JMJD8: variants seen among roughly 807,000 people sequenced by gnomAD.
JMJD8 encodes jumonji domain containing 8, also known as jmjC domain-containing protein 8.
In JMJD8, 56 loss-of-function variants were observed where a neutral mutation model predicts 37.6. That is an observed-to-expected ratio of 1.49 (90% CI 1.20 to 1.86). The LOEUF is 1.86. JMJD8 is among the 40% of genes most tolerant of loss of function. JMJD8 has a pLI of 0.00. For synonymous variants in JMJD8, 261 were observed against 163.7 expected, an observed-to-expected ratio of 1.59 and a Z score of -4.54; for missense variants, 542 against 362.7, an observed-to-expected ratio of 1.49 and a Z score of -4.01.
In JMJD8 at chr16:683,548, G is replaced by C. The variant is rs748754064; in HGVS notation, c.373C>G (p.Pro125Ala). 1.3e-6 allele frequency: 2 copies of C among 1,565,906 alleles called. No homozygotes were observed. The highest frequency in any genetic ancestry group is 1.7e-6 in the Non-Finnish European group (2 of 1,155,236). ...GCCTCACCATTGCCCAGGGAGGTGG[G>C]GTCCTGGGGGTGCAGCAGCTGCTCC... ...YVEQLLHPQD[P>A]TSLGNDTLYF... The change falls in exon 5 of 9, where the codon CCC becomes GCC. Residue 125 changes from proline (P) to alanine (A), a missense_variant. Coordinates refer to ENST00000609261, the MANE Select transcript of JMJD8 (RefSeq NM_001005920.4).
rs751141162 is a variant in JMJD8, at chr16:682,351, C to T, written c.*443G>A. On this transcript the variant is annotated 3_prime_UTR_variant, in exon 9 of 9. Coordinates refer to ENST00000609261, the MANE Select transcript of JMJD8 (RefSeq NM_001005920.4). ...GGCCCCATGACTGCCCTCTGCCCTT[C>T]TTGTCACTGCAGCGTGTGGGTCATT... is the stretch of plus-strand genomic sequence containing the variant. 2.5e-6 allele frequency: 4 copies of T among 1,613,006 alleles called. No homozygotes were observed. Among genetic ancestry groups the T allele is most frequent in the African/African-American group, 1.3e-5 (1 of 74,936 alleles).
In JMJD8 at chr16:683,727, CTCTGTCCCCA is replaced by C. The variant is rs2039799625; in HGVS notation, c.270_279del (p.Phe90LeufsTer5). 6 of 1,609,432 alleles carry C rather than the reference CTCTGTCCCCA, an allele frequency of 3.7e-6. No individual in the cohort carries two copies. Among genetic ancestry groups the C allele is most frequent in the Non-Finnish European group, 5.1e-6 (6 of 1,178,562 alleles). On this transcript the variant is annotated frameshift_variant, in exon 4 of 9. Coordinates refer to ENST00000609261, the MANE Select transcript of JMJD8 (RefSeq NM_001005920.4). LOFTEE classifies it high-confidence loss of function. ...GTGTTGGCGGTGCTCAGCCGGACCA[CTCTGTCCCCA>C]AACGAAGCCAGCAACCTGTCGCGGG...
rs540869195 is a variant in JMJD8, at chr16:681,677, G to A, written c.*1117C>T. On this transcript the variant is annotated 3_prime_UTR_variant, in exon 9 of 9. Coordinates refer to ENST00000609261, the MANE Select transcript of JMJD8 (RefSeq NM_001005920.4). ...CCGACTCCCGACACAAGCGTTTATCGAAGGCTTTACTGGCAAGCAGGAAAT... is the reference window on the plus strand; with the variant it reads ...CCGACTCCCGACACAAGCGTTTATCAAAGGCTTTACTGGCAAGCAGGAAAT... The A allele has an allele frequency of 1.2e-5, 19 of 1,562,080 alleles. 1 individual carries two copies. The highest frequency in any genetic ancestry group is 5.4e-5 in the African/African-American group (4 of 73,742).
chr16:682,118 G>C lies in JMJD8; in HGVS notation c.*676C>G. ...TGCTGCCGATGGCTGGCAGGTGCTC[G>C]TGCAGTGCCCCTTTTCAGCCTCTGA... On this transcript the variant is annotated 3_prime_UTR_variant, in exon 9 of 9. Transcript: ENST00000609261. 6.3e-6 allele frequency: 10 copies of C among 1,586,996 alleles called. No individual in the cohort carries two copies. Among genetic ancestry groups the C allele is most frequent in the South Asian group, 1.1e-5 (1 of 88,922 alleles).
chr16:684,133 C>G lies in JMJD8; in HGVS notation c.109G>C (p.Val37Leu). The G allele has an allele frequency of 6.7e-7, 1 of 1,501,792 alleles. No homozygotes were observed. Among genetic ancestry groups the G allele is most frequent in the Non-Finnish European group, 8.8e-7 (1 of 1,134,674 alleles). 93.0% of individuals were successfully genotyped at this position (1,501,792 alleles called of 1,614,324 possible). A position where few individuals can be genotyped will look rare whatever the true frequency, so the allele number is the denominator to read the frequency against. ...GGWRPGGPGA[V>L]AEEERCTVER... ...ACCGTGCAGCGCTCCTCCTCCGCCA[C>G]GGCCCCCGGCCCGCCCGGGCGCCTG... The change falls in exon 2 of 9, where the codon GTG becomes CTG. Residue 37 changes from valine (V) to leucine (L), a missense_variant. Transcript: ENST00000609261.
rs751845424 is a variant in JMJD8, at chr16:683,921, G to A, written c.177-12C>T. 6 of 1,572,884 alleles carry A rather than the reference G, an allele frequency of 3.8e-6. No individual in the cohort carries two copies. The highest frequency in any genetic ancestry group is 1.7e-4 in the Middle Eastern group (1 of 5,998). ...TGACGAAGGCGTACCTGGAAAGAAG[G>A]GCAGAGTCGCGGCCAGGCCGGACCG... On this transcript the variant is annotated splice_polypyrimidine_tract_variant and intron_variant, in intron 2 of 8. Transcript: ENST00000609261.
rs762305489 is a variant in JMJD8, at chr16:681,887, G to A, written c.*907C>T. ...CTGCATTGAGGCCAAGCACGTGAGG[G>A]TGCCCCCCACCCACATGTGGGTCTG... is the stretch of plus-strand genomic sequence containing the variant. On this transcript the variant is annotated 3_prime_UTR_variant, in exon 9 of 9. Transcript: ENST00000609261. 6.2e-7 allele frequency: 1 copy of A among 1,613,020 alleles called. No individual in the cohort carries two copies. The highest frequency in any genetic ancestry group is 8.5e-7 in the Non-Finnish European group (1 of 1,179,962).
chr16:684,046 G>A lies in JMJD8; in HGVS notation c.176+20C>T, dbSNP rs779274777. 6.3e-7 allele frequency: 1 copy of A among 1,577,554 alleles called. No individual in the cohort carries two copies. On this transcript the variant is annotated intron_variant, in intron 2 of 8. Coordinates refer to ENST00000609261, the MANE Select transcript of JMJD8 (RefSeq NM_001005920.4). The stretch of plus-strand genomic sequence containing the variant: ...GGCCGGTGAACAGGACGCGACCTCC[G>A]CGATCAGGGGCGCACGTACTGCTGC...
chr16:682,448 G>A lies in JMJD8; in HGVS notation c.*346C>T. On this transcript the variant is annotated 3_prime_UTR_variant, in exon 9 of 9. Coordinates refer to ENST00000609261, the MANE Select transcript of JMJD8 (RefSeq NM_001005920.4). ...CAACTTGGCTATGAAGGAGGTTATT[G>A]ACGCATTCATCTCTGAGAATGGCTG... The A allele has an allele frequency of 6.2e-7, 1 of 1,613,464 alleles. No homozygotes were observed. Among genetic ancestry groups the A allele is most frequent in the Non-Finnish European group, 8.5e-7 (1 of 1,180,010 alleles).
At position 684,070 on chromosome 16, in the gene JMJD8, G is replaced by A. The variant is rs1481588378; in HGVS notation, c.172C>T (p.Gln58Ter). 5 of 1,580,250 alleles carry A rather than the reference G, an allele frequency of 3.2e-6. No individual in the cohort carries two copies. The highest frequency in any genetic ancestry group is 4.3e-6 in the Non-Finnish European group (5 of 1,171,584). Residue 58 changes from glutamine (Q) to a stop codon, truncating the protein, a stop_gained, in exon 2 of 9, where the codon CAG (glutamine) becomes TAG (stop). Coordinates refer to ENST00000609261, the MANE Select transcript of JMJD8 (RefSeq NM_001005920.4). LOFTEE classifies it high-confidence loss of function. ...CGCGATCAGGGGCGCACGTACTGCT[G>A]CACGAACTCCGCGTAGGTGAGGTCG... ...RADLTYAEFV[Q>*]QYAFVRPVIL...
At chr16:682,896 G>A (rs1449667157) in intron 8 of JMJD8, 22 bp from the exon 9 acceptor site, 3 of 1,612,730 alleles carry the variant, frequency 1.9e-6, no homozygotes, top group South Asian at 2.2e-5. Flanking sequence ...AGGGGGTGCA[G>A]CAGAGATTAG....
Position 683,700 on chromosome 16 carries a change from A to G in JMJD8, c.307T>C (p.Tyr103His), listed in dbSNP as rs550639526. 8.2e-5 allele frequency: 131 copies of G among 1,605,206 alleles called. No homozygotes were observed. The South Asian group carries it at 1.2e-3, about 15-fold the overall frequency. The change falls in exon 4 of 9, where the codon TAC (tyrosine) becomes CAC (histidine). Residue 103 changes from tyrosine to histidine, a missense_variant. Physicochemically the swap from Tyr to His is moderately conservative, Grantham distance 83. Coordinates refer to ENST00000609261, the MANE Select transcript of JMJD8 (RefSeq NM_001005920.4). Reference sequence around the variant, plus strand: ...GGCCGCGTACCTTTGTGGTAGGAGTAGGTGTTGGCGGTGCTCAGCCGGACC... The same window carrying G: ...GGCCGCGTACCTTTGTGGTAGGAGTGGGTGTTGGCGGTGCTCAGCCGGACC... ...RVVRLSTANT[Y>H]SYHKVDLPFQ... is the part of the protein sequence containing the mutation.
rs758858906 is a variant in JMJD8, at chr16:682,841, T to C, written c.748A>G (p.Thr250Ala). 1.7e-5 allele frequency: 28 copies of C among 1,612,892 alleles called. No individual in the cohort carries two copies. In the South Asian group the frequency reaches 2.4e-4, roughly 14 times the overall value. ...AAGACGCTGGTGTCAAGGTTGAGCG[T>C]AGCATGCCACCAGCGGTCGGGGAAG... The part of the protein sequence containing the change: ...LYFPDRWWHA[T>A]LNLDTSVFIS... Residue 250 changes from threonine to alanine, a missense_variant, in exon 9 of 9, where the codon ACG becomes GCG. Transcript: ENST00000609261.
In JMJD8 at chr16:683,735, C is replaced by T. The variant is rs1049728400; in HGVS notation, c.272G>A (p.Gly91Glu). ...CSRDRLLASFGDRVVRLSTAN... is the reference protein window; with the variant it reads ...CSRDRLLASFEDRVVRLSTAN... The stretch of plus-strand genomic sequence containing the variant: ...GGTGCTCAGCCGGACCACTCTGTCC[C>T]CAAACGAAGCCAGCAACCTGTCGCG... The change falls in exon 4 of 9, where the codon GGG (glycine) becomes GAG (glutamate). Residue 91 changes from glycine to glutamate, a missense_variant. Physicochemically the swap from Gly to Glu is moderately conservative, Grantham distance 98. Coordinates refer to ENST00000609261, the MANE Select transcript of JMJD8 (RefSeq NM_001005920.4). 6.2e-7 allele frequency: 1 copy of T among 1,609,888 alleles called. No homozygotes were observed. Among genetic ancestry groups the T allele is most frequent in the East Asian group, 2.2e-5 (1 of 44,732 alleles).
chr16:681,836 G>C lies in JMJD8; in HGVS notation c.*958C>G. ...GCGAAACCACGAGGGTGATGAGGAC[G>C]ACAGCCACGTCCGGGCCCAGCAGGC... is the stretch of plus-strand genomic sequence containing the variant. On this transcript the variant is annotated 3_prime_UTR_variant, in exon 9 of 9. Transcript: ENST00000609261. 1.9e-6 allele frequency: 3 copies of C among 1,610,856 alleles called. No homozygotes were observed. Among genetic ancestry groups the C allele is most frequent in the Non-Finnish European group, 2.5e-6 (3 of 1,178,548 alleles).
In JMJD8 at chr16:681,821, G is replaced by A. The variant is rs757171182; in HGVS notation, c.*973C>T. 84 of 1,607,450 alleles carry A rather than the reference G, an allele frequency of 5.2e-5. No individual in the cohort carries two copies. The highest frequency in any genetic ancestry group is 1.7e-4 in the Middle Eastern group (1 of 6,056). On this transcript the variant is annotated 3_prime_UTR_variant, in exon 9 of 9. Coordinates refer to ENST00000609261, the MANE Select transcript of JMJD8 (RefSeq NM_001005920.4). ...GCTGGAAGAGTGCCAGCGAAACCAC[G>A]AGGGTGATGAGGACGACAGCCACGT...
Position 682,107 on chromosome 16 carries a change from G to A in JMJD8, c.*687C>T, listed in dbSNP as rs767494719. On this transcript the variant is annotated 3_prime_UTR_variant, in exon 9 of 9. Coordinates refer to ENST00000609261, the MANE Select transcript of JMJD8 (RefSeq NM_001005920.4). Reference sequence around the variant, plus strand: ...TGTGTGTCGCTTGCTGCCGATGGCTGGCAGGTGCTCGTGCAGTGCCCCTTT... The same window carrying A: ...TGTGTGTCGCTTGCTGCCGATGGCTAGCAGGTGCTCGTGCAGTGCCCCTTT... 1 of 1,582,858 alleles carries A rather than the reference G, an allele frequency of 6.3e-7. No homozygotes were observed. Among genetic ancestry groups the A allele is most frequent in the Non-Finnish European group, 8.6e-7 (1 of 1,157,830 alleles).
In JMJD8 at chr16:684,092, G is replaced by A; in HGVS notation, c.150C>T (p.Asp50=). 6.4e-7 allele frequency: 1 copy of A among 1,574,494 alleles called. No individual in the cohort carries two copies. Among genetic ancestry groups the A allele is most frequent in the Non-Finnish European group, 8.6e-7 (1 of 1,168,866 alleles). ...GCTGCACGAACTCCGCGTAGGTGAG[G>A]TCGGCCCGACGCTCCACCGTGCAGC... is the stretch of plus-strand genomic sequence containing the variant. ...EERCTVERRA[D]LTYAEFVQQY... The change falls in exon 2 of 9, where the codon GAC becomes GAT. Residue 50 remains aspartate (D), a synonymous_variant. Coordinates refer to ENST00000609261, the MANE Select transcript of JMJD8 (RefSeq NM_001005920.4).
In JMJD8 at chr16:684,215, C is replaced by T. The variant is rs879895892; in HGVS notation, c.86+19G>A. 24 of 1,308,138 alleles carry T rather than the reference C, an allele frequency of 1.8e-5. No individual in the cohort carries two copies. Among genetic ancestry groups the T allele is most frequent in the Non-Finnish European group, 2.1e-5 (22 of 1,036,692 alleles). The allele number at this position is 1,308,138 out of a possible 1,614,324, so 81.0% of individuals were successfully genotyped here. ...CGCCGCACGTGACCCCACCGCCCGGCCCCTCCCGGGCCGCTCACCACCCGC... is the reference window on the plus strand; with the variant it reads ...CGCCGCACGTGACCCCACCGCCCGGTCCCTCCCGGGCCGCTCACCACCCGC... On this transcript the variant is annotated intron_variant, in intron 1 of 8. Coordinates refer to ENST00000609261, the MANE Select transcript of JMJD8 (RefSeq NM_001005920.4).
Sources: allele counts gnomAD v4.1 joint callset, GRCh38; gene constraint gnomAD v4.1.1; transcripts MANE v1.5; gene names NCBI Gene and HGNC (gene_info 2026-07-23, HGNC 2026-07-21).